Variants in DEK observed in about 807,000 individuals in gnomAD.
DEK encodes the protein protein DEK.
In DEK, 28 loss-of-function variants were observed where a neutral mutation model predicts 46.8. The ratio of observed to expected loss-of-function variants is 0.60; its 90% CI spans 0.44 to 0.82. The LOEUF (loss-of-function observed/expected upper bound fraction) is 0.82, where lower values mean the gene tolerates loss of function less well. Ranked by LOEUF, DEK falls within the 40% of genes least tolerant of loss-of-function variation. The pLI is 0.00. For missense variants in DEK, 416 were observed against 430.6 expected (o/e 0.97, Z 0.30); for synonymous variants, 160 against 144.5 (o/e 1.11, Z -0.77).
At chr6:18,246,511 A>G (rs1479477792) in intron 7 of DEK, among the ~76,000 whole-genome samples, 1 of 152,222 alleles carries the variant, frequency 6.6e-6, no homozygotes, top group Non-Finnish European at 1.5e-5. Context: ...ATTATCAGCT[A>G]ATATGCTAAA....
chr6:18,225,657 T>TA lies in DEK; in HGVS notation c.*61dup, dbSNP rs1790083424. 1.3e-6 allele frequency: 2 copies of TA among 1,568,032 alleles called. No individual in the cohort carries two copies. The highest frequency in any genetic ancestry group is 1.1e-5 in the South Asian group (1 of 87,408). ...AAAGGAAATACATTCTCTTTGCTGG[T>TA]ATAATGGTATAAATCAGATCTTCAA... On this transcript the variant is annotated 3_prime_UTR_variant, in exon 11 of 11. Transcript: ENST00000652689.
At chr6:18,239,884 A>ATTAAG (rs1790830551) in intron 7 of DEK, among the ~76,000 whole-genome samples, 1 of 152,216 alleles carries the variant, frequency 6.6e-6, no homozygotes, top group Non-Finnish European at 1.5e-5. Context: ...TAGCACACTT[A>ATTAAG]ATACACAGAA....
intron 8 of DEK, 108 bp from the exon 9 acceptor site, chr6:18,236,708 CA>C: frequency 2.3e-5 from 17 of 746,648 alleles, no homozygotes; most frequent in Admixed American, 3.8e-5. Context: ...GGTACTGGAT[CA>C]AAAAAATTAT....
chr6:18,260,489 A>AT (rs999559285), intron 2 of DEK, among the ~76,000 whole-genome samples: 36 of 152,142 alleles, frequency 2.4e-4, no homozygotes, highest in Non-Finnish European at 4.6e-4. Context: ...CACTTTGTGA[A>AT]TTTTTTTCAA....
intron 6 of DEK, among the ~76,000 whole-genome samples, chr6:18,252,136 C>T (rs1347837445): frequency 1.3e-5 from 2 of 152,052 alleles, no homozygotes; most frequent in African/African-American, 4.8e-5. Flanking sequence ...GATAGGAAAG[C>T]AATCAATGAT....
chr6:18,249,149 G>C (rs1322473317), intron 7 of DEK, among the ~76,000 whole-genome samples: 1 of 152,020 alleles, frequency 6.6e-6, no homozygotes, highest in Middle Eastern at 3.2e-3. Context: ...GAAAATGACA[G>C]GTAATACAAA....
At chr6:18,227,176 G>A (rs1790172214) in intron 9 of DEK, among the ~76,000 whole-genome samples, 1 of 152,158 alleles carries the variant, frequency 6.6e-6, no homozygotes, top group Admixed American at 6.5e-5. Flanking sequence ...CTGTGCTGAG[G>A]AGGGTTAGTA....
rs1259808786 is a variant in DEK at position 18,224,060 on chromosome 6, T to C, written c.*1659A>G. On this transcript the variant is annotated 3_prime_UTR_variant, in exon 11 of 11. Coordinates refer to ENST00000652689, the MANE Select transcript of DEK (RefSeq NM_003472.4). ...AATGGTCCATTACCACAAAAGAGTA[T>C]TCCAAATTGTATAGGTTATAGGGCT... The C allele has an allele frequency of 1.3e-5, 2 of 158,702 alleles. No homozygotes were observed. Among genetic ancestry groups the C allele is most frequent in the East Asian group, 3.2e-4 (2 of 6,306 alleles). 9.8% of individuals were successfully genotyped at this position (158,702 alleles called of 1,614,324 possible).
Position 18,225,465 on chromosome 6 carries a change from T to A in DEK, c.*254A>T. The A allele has an allele frequency of 2.4e-6, 1 of 422,298 alleles. No individual in the cohort carries two copies. The highest frequency in any genetic ancestry group is 4.2e-6 in the Non-Finnish European group (1 of 237,534). The allele number at this position is 422,298 out of a possible 1,614,324, so 26.2% of individuals were successfully genotyped here. On this transcript the variant is annotated 3_prime_UTR_variant, in exon 11 of 11. Coordinates refer to ENST00000652689, the MANE Select transcript of DEK (RefSeq NM_003472.4). ...TGACCTTATATAAAGAAATCCAAAA[T>A]GTACAAAATACAACTATAAAAGCAA...
At chr6:18,235,815 C>T (rs1790622950) in intron 9 of DEK, among the ~76,000 whole-genome samples, 1 of 152,122 alleles carries the variant, frequency 6.6e-6, no homozygotes, top group Non-Finnish European at 1.5e-5. Context: ...AGCCCAGTGC[C>T]TGAAATGTAG....
intron 7 of DEK, among the ~76,000 whole-genome samples, chr6:18,245,959 C>T (rs1193948271): frequency 5.3e-5 from 8 of 152,248 alleles, no homozygotes. Context: ...CCTATACATA[C>T]CCTCTTGCTT....
chr6:18,262,703 A>C (rs1271854288), intron 2 of DEK, among the ~76,000 whole-genome samples: 2 of 152,238 alleles, frequency 1.3e-5, no homozygotes, highest in African/African-American at 4.8e-5. Flanking sequence ...TTGGAGAAAA[A>C]GTGCAGAGCC....
chr6:18,250,730 A>C lies in DEK; in HGVS notation c.574-891T>G, dbSNP rs536482162. Among the ~76,000 whole-genome samples, 9 of 152,006 alleles carry C rather than the reference A, an allele frequency of 5.9e-5. No homozygotes were observed. The East Asian group carries it at 1.4e-3, about 23-fold the overall frequency. ...AGGCTGGTCTCAAACTCCTGACCTCAAGTGATCCACCCACCCTGGCCTCCC... is the reference window on the plus strand; with the variant it reads ...AGGCTGGTCTCAAACTCCTGACCTCCAGTGATCCACCCACCCTGGCCTCCC... On this transcript the variant is annotated intron_variant, in intron 6 of 10. Coordinates refer to ENST00000652689, the MANE Select transcript of DEK (RefSeq NM_003472.4).
chr6:18,233,784 G>C (rs1790519670), intron 9 of DEK, among the ~76,000 whole-genome samples: 1 of 152,142 alleles, frequency 6.6e-6, no homozygotes, highest in African/African-American at 2.4e-5. Context: ...GGAAGACAGT[G>C]TGGCGATTCC....
intron 9 of DEK, among the ~76,000 whole-genome samples, chr6:18,231,532 A>G (rs1352519126): frequency 6.6e-6 from 1 of 152,194 alleles, no homozygotes. Context: ...GATAAAGGGG[A>G]TATCACCACC....
intron 5 of DEK, 87 bp from the exon 6 acceptor site, chr6:18,255,938 T>A: frequency 6.8e-7 from 1 of 1,466,432 alleles, no homozygotes; most frequent in Non-Finnish European, 9.0e-7. Flanking sequence ...GCCAACCAAA[T>A]TGGCTCAGTT....
At chr6:18,257,230 T>A (rs1791636022) in intron 4 of DEK, among the ~76,000 whole-genome samples, 1 of 152,222 alleles carries the variant, frequency 6.6e-6, no homozygotes, top group Non-Finnish European at 1.5e-5. Flanking sequence ...CTCTTATTTG[T>A]ATGAGATACA....
At chr6:18,262,133 C>G (rs1791901725) in intron 2 of DEK, among the ~76,000 whole-genome samples, 1 of 151,900 alleles carries the variant, frequency 6.6e-6, no homozygotes, top group African/African-American at 2.4e-5. Flanking sequence ...AATGAAATGC[C>G]TGCTCCCCCT....
At chr6:18,227,444 CAT>C (rs139089778) in intron 9 of DEK, among the ~76,000 whole-genome samples, 2,391 of 152,242 alleles carry the variant, frequency 0.016, 64 homozygotes, top group African/African-American at 0.055. Flanking sequence ...CCTTTGTTCA[CAT>C]GTTTATCTGC....
Sources: allele counts gnomAD v4.1 joint callset (sites outside exome capture counted in the v4.1 genomes callset), GRCh38; gene constraint gnomAD v4.1.1; transcripts MANE v1.5; gene names NCBI Gene and HGNC (gene_info 2026-07-23, HGNC 2026-07-21).